The following GPHN variants were observed in gnomAD, a reference collection of about 807,000 sequenced individuals.
The protein encoded by GPHN is gephyrin.
A neutral mutation model predicts 95.5 loss-of-function variants in GPHN; 17 were observed. The ratio of observed to expected loss-of-function variants is 0.18; its 90% confidence interval spans 0.12 to 0.27. GPHN has a LOEUF of 0.27. GPHN is among the 10% of genes least tolerant of loss of function. GPHN has a pLI of 1.00. For missense variants in GPHN, 660 were observed against 978.1 expected (o/e 0.67, Z 4.34); for synonymous variants, 320 against 322.5 (o/e 0.99, Z 0.08).
At chr14:67,335,768 C>T in the GPHN span, 47 of 152,738 alleles carry the variant, frequency 3.1e-4, no homozygotes, top group African/African-American at 1.1e-3. Flanking sequence ...TCATACTGTA[C>T]ACTGTATTGT....
chr14:66,790,190 C>T (rs552866097), intron 3 of GPHN, among the ~76,000 whole-genome samples: 2 of 152,272 alleles, frequency 1.3e-5, no homozygotes, highest in Non-Finnish European at 1.5e-5. Context: ...GCTTTAGTCA[C>T]GCCAAACTGC....
chr14:67,658,232 A>G, the GPHN span, among the ~76,000 whole-genome samples: 3 of 152,216 alleles, frequency 2.0e-5, no homozygotes, highest in Non-Finnish European at 4.4e-5. Flanking sequence ...AGATCACATA[A>G]ATGAACTTCA....
the GPHN span, among the ~76,000 whole-genome samples, chr14:67,651,891 CT>C: frequency 6.6e-6 from 1 of 152,174 alleles, no homozygotes; most frequent in East Asian, 1.9e-4. Flanking sequence ...TCCCTCTGCC[CT>C]ATTTTTCCCT....
At chr14:67,585,865 G>C in the GPHN span, 67 of 1,398,262 alleles carry the variant, frequency 4.8e-5, no homozygotes, top group South Asian at 8.7e-4. Flanking sequence ...CTCCTTTCCT[G>C]TGCCTAGAAG....
the GPHN span, among the ~76,000 whole-genome samples, chr14:67,408,865 A>C: frequency 6.6e-6 from 1 of 152,162 alleles, no homozygotes; most frequent in Non-Finnish European, 1.5e-5. Flanking sequence ...CAACATCTGC[A>C]TAACCATAAT....
chr14:67,157,765 T>A (rs1303834350), intron 18 of GPHN, among the ~76,000 whole-genome samples: 4 of 149,492 alleles, frequency 2.7e-5, no homozygotes, highest in Non-Finnish European at 6.0e-5. Context: ...GAGGCGAAGG[T>A]CGCAGTGAGC....
At chr14:66,725,220 C>A (rs2071111497) in intron 2 of GPHN, among the ~76,000 whole-genome samples, 1 of 152,152 alleles carries the variant, frequency 6.6e-6, no homozygotes, top group East Asian at 1.9e-4. Context: ...GTTATGTAAT[C>A]CACCCAGTGT....
intron 1 of GPHN, among the ~76,000 whole-genome samples, chr14:66,530,012 GC>G (rs1566551311): frequency 1.3e-5 from 2 of 152,178 alleles, no homozygotes; most frequent in African/African-American, 4.8e-5. Flanking sequence ...GAGCTGGCAG[GC>G]AGGGACGTTT....
the GPHN span, among the ~76,000 whole-genome samples, chr14:67,676,337 C>T: frequency 5.3e-5 from 8 of 152,302 alleles, no homozygotes; most frequent in African/African-American, 1.9e-4. Context: ...TGAGCATAGA[C>T]ATGACCAAGT....
chr14:66,835,446 C>A (rs2061758736), intron 4 of GPHN, among the ~76,000 whole-genome samples: 1 of 151,958 alleles, frequency 6.6e-6, no homozygotes, highest in South Asian at 2.1e-4. Flanking sequence ...GGACATATTT[C>A]AAAATAATAA....
chr14:67,726,981 G>GCCA, the GPHN span: 1 of 1,612,156 alleles, frequency 6.2e-7, no homozygotes, highest in East Asian at 2.2e-5. Context: ...CTCCTCACAG[G>GCCA]CCACTTCCTC....
At chr14:66,936,476 A>G (rs2067141027) in intron 8 of GPHN, among the ~76,000 whole-genome samples, 1 of 152,198 alleles carries the variant, frequency 6.6e-6, no homozygotes, top group South Asian at 2.1e-4. Flanking sequence ...AAACAATCGA[A>G]TGTCGAATGT....
chr14:66,653,172 C>A (rs1413945259), intron 1 of GPHN, among the ~76,000 whole-genome samples: 4 of 152,192 alleles, frequency 2.6e-5, no homozygotes, highest in African/African-American at 9.6e-5. Flanking sequence ...GTCAGTAGTA[C>A]CTTTCTATCA....
chr14:67,027,423 C>T (rs1378293535), intron 10 of GPHN, among the ~76,000 whole-genome samples: 1 of 152,084 alleles, frequency 6.6e-6, no homozygotes, highest in African/African-American at 2.4e-5. Context: ...CTCCACCTCC[C>T]AGGTTCAAGT....
At chr14:66,600,962 C>A (rs1355116260) in intron 1 of GPHN, among the ~76,000 whole-genome samples, 1 of 152,000 alleles carries the variant, frequency 6.6e-6, no homozygotes, top group Non-Finnish European at 1.5e-5. Context: ...TAGACAAATT[C>A]ATAAATGCGG....
chr14:67,006,798 G>A (rs918988763), intron 9 of GPHN, among the ~76,000 whole-genome samples: 11 of 152,174 alleles, frequency 7.2e-5, no homozygotes, highest in African/African-American at 2.7e-4. Flanking sequence ...AAGGATGCCA[G>A]TGAGACCTGA....
At chr14:67,555,449 C>T in the GPHN span, among the ~76,000 whole-genome samples, 103 of 152,284 alleles carry the variant, frequency 6.8e-4, no homozygotes, top group African/African-American at 2.4e-3. Context: ...ATGGCCCCAC[C>T]TTCGACCCAA....
At chr14:67,158,953 G>A (rs2081794174) in intron 18 of GPHN, among the ~76,000 whole-genome samples, 1 of 152,190 alleles carries the variant, frequency 6.6e-6, no homozygotes, top group Non-Finnish European at 1.5e-5. Context: ...TCATTAAGCA[G>A]AATGGTGTAG....
At chr14:67,695,869 G>A in the GPHN span, 1 of 617,054 alleles carries the variant, frequency 1.6e-6, no homozygotes. Context: ...ACGTGGGAGC[G>A]CTGCCGCCAA....
Sources: allele counts gnomAD v4.1 joint callset (sites outside exome capture counted in the v4.1 genomes callset), GRCh38; gene constraint gnomAD v4.1.1; transcripts MANE v1.5; gene names NCBI Gene and HGNC (gene_info 2026-07-23, HGNC 2026-07-21).